The following NPAS3 variants were observed in gnomAD, a reference collection of about 807,000 sequenced individuals.
NPAS3 encodes the protein neuronal PAS domain-containing protein 3.
NPAS3 carries 14 observed loss-of-function variants against 73.1 expected under a neutral mutation model. That is an observed-to-expected ratio of 0.19 (90% CI 0.13 to 0.30). The LOEUF is 0.30. NPAS3 is among the 10% of genes least tolerant of loss of function. The pLI, the probability that NPAS3 is intolerant of heterozygous loss-of-function variation, is 1.00. For synonymous variants in NPAS3, 620 were observed against 541.5 expected, an observed-to-expected ratio of 1.14 and a Z score of -2.01; for missense variants, 1,096 against 1,250.0, an observed-to-expected ratio of 0.88 and a Z score of 1.86.
At chr14:33,426,298 T>C (rs1471799463) in intron 4 of NPAS3, among the ~76,000 whole-genome samples, 5 of 152,086 alleles carry the variant, frequency 3.3e-5, no homozygotes, top group South Asian at 2.1e-4. Flanking sequence ...TTCTCTTGCA[T>C]TGGGCTCAGA....
intron 1 of NPAS3, among the ~76,000 whole-genome samples, chr14:33,053,101 CA>C (rs1237489440): frequency 2.6e-5 from 4 of 152,162 alleles, no homozygotes; most frequent in Admixed American, 6.5e-5. Context: ...CTTGTTTGCA[CA>C]AAATACATTT....
chr14:33,024,098 ATG>A (rs1484230261), intron 1 of NPAS3, among the ~76,000 whole-genome samples: 3 of 151,532 alleles, frequency 2.0e-5, no homozygotes, highest in Admixed American at 2.0e-4. Context: ...ATATATGTAT[ATG>A]TGTGTGTATA....
chr14:33,687,528 G>C (rs1055243893), intron 6 of NPAS3, among the ~76,000 whole-genome samples: 24 of 152,192 alleles, frequency 1.6e-4, no homozygotes, highest in African/African-American at 5.3e-4. Context: ...GACACAGCAG[G>C]GATTGATGTC....
intron 6 of NPAS3, among the ~76,000 whole-genome samples, chr14:33,691,920 T>C (rs1179717810): frequency 6.6e-6 from 1 of 152,174 alleles, no homozygotes; most frequent in Non-Finnish European, 1.5e-5. Flanking sequence ...TCTGCCACAA[T>C]TTGTCAAATC....
At chr14:33,625,139 T>C (rs1476569798) in intron 5 of NPAS3, among the ~76,000 whole-genome samples, 1 of 152,230 alleles carries the variant, frequency 6.6e-6, no homozygotes, top group Non-Finnish European at 1.5e-5. Context: ...ATGGACCTAA[T>C]TGGTGACCTT....
chr14:33,776,520 T>TAAAAAA (rs1566528548), intron 8 of NPAS3, among the ~76,000 whole-genome samples: 1 of 76,392 alleles, frequency 1.3e-5, no homozygotes, highest in East Asian at 5.8e-4. Context: ...TTTCTTCCTC[T>TAAAAAA]TAAAAAAAAA....
chr14:33,672,027 A>ATAGT (rs1429832092), intron 5 of NPAS3, among the ~76,000 whole-genome samples: 10 of 152,198 alleles, frequency 6.6e-5, no homozygotes, highest in Non-Finnish European at 1.0e-4. Flanking sequence ...ATATCAAGGG[A>ATAGT]TAGTTAAGAA....
chr14:33,293,761 G>A (rs190131714), intron 3 of NPAS3, among the ~76,000 whole-genome samples: 14 of 152,300 alleles, frequency 9.2e-5, no homozygotes, highest in Non-Finnish European at 8.8e-5. Flanking sequence ...TTGTGTTATG[G>A]TGAAGTTCAA....
At chr14:33,565,466 G>A (rs1017820038) in intron 5 of NPAS3, among the ~76,000 whole-genome samples, 4 of 152,218 alleles carry the variant, frequency 2.6e-5, no homozygotes, top group African/African-American at 9.6e-5. Flanking sequence ...GGTTAAAGAT[G>A]CTTTGCAACC....
chr14:33,473,023 T>C (rs2050858020), intron 4 of NPAS3, among the ~76,000 whole-genome samples: 1 of 143,400 alleles, frequency 7.0e-6, no homozygotes, highest in African/African-American at 3.0e-5. Context: ...GCATGTTTGC[T>C]TGAGCTTTGC....
At chr14:33,774,974 A>C (rs2062767391) in intron 8 of NPAS3, among the ~76,000 whole-genome samples, 1 of 152,160 alleles carries the variant, frequency 6.6e-6, no homozygotes. Context: ...ACAGAGGAAA[A>C]AGGATGAAAA....
At chr14:33,396,356 G>C (rs563951802) in intron 4 of NPAS3, among the ~76,000 whole-genome samples, 2 of 152,138 alleles carry the variant, frequency 1.3e-5, no homozygotes, top group African/African-American at 4.8e-5. Context: ...GCAGTGCTGA[G>C]GATTAAACGT....
intron 4 of NPAS3, among the ~76,000 whole-genome samples, chr14:33,447,737 G>A (rs924688804): frequency 6.6e-6 from 1 of 152,072 alleles, no homozygotes; most frequent in African/African-American, 2.4e-5. Context: ...AACACAGTGA[G>A]ATCTTGTCTC....
chr14:33,782,429 GCATGCTTTGCA>G (rs1460911868), intron 9 of NPAS3, among the ~76,000 whole-genome samples: 2 of 152,162 alleles, frequency 1.3e-5, no homozygotes, highest in African/African-American at 4.8e-5. Flanking sequence ...AAACAGAGAT[GCATGCTTTGCA>G]CTGCTCTTTA....
At chr14:33,180,668 G>A (rs1445041478) in intron 2 of NPAS3, among the ~76,000 whole-genome samples, 1 of 151,688 alleles carries the variant, frequency 6.6e-6, no homozygotes, top group African/African-American at 2.4e-5. Context: ...GCGTGGTGGT[G>A]GGCGCCTGTA....
chr14:33,327,237 C>T (rs1397043968), intron 3 of NPAS3, among the ~76,000 whole-genome samples: 1 of 152,122 alleles, frequency 6.6e-6, no homozygotes, highest in Non-Finnish European at 1.5e-5. Context: ...TTTTATTCAC[C>T]ACTTACTGAA....
At chr14:33,049,889 A>G (rs961220132) in intron 1 of NPAS3, among the ~76,000 whole-genome samples, 1 of 152,194 alleles carries the variant, frequency 6.6e-6, no homozygotes. Flanking sequence ...CTTTTGTCTG[A>G]TTCACTGGAG....
chr14:33,407,119 A>T (rs1466720460), intron 4 of NPAS3, among the ~76,000 whole-genome samples: 1 of 152,114 alleles, frequency 6.6e-6, no homozygotes, highest in East Asian at 1.9e-4. Context: ...ATTTCCGCTC[A>T]CTGAAGCTCT....
chr14:33,719,693 CG>C (rs1224235139), intron 6 of NPAS3, among the ~76,000 whole-genome samples: 1 of 152,132 alleles, frequency 6.6e-6, no homozygotes, highest in Non-Finnish European at 1.5e-5. Context: ...TTCTCTTCAA[CG>C]AGTCACCAGC....
Sources: gnomAD v4.1 joint callset for allele counts (sites outside exome capture counted in the v4.1 genomes callset) on GRCh38, gnomAD v4.1.1 for gene constraint, MANE v1.5 for transcripts, NCBI Gene and HGNC (gene_info 2026-07-23, HGNC 2026-07-21) for gene names.